The following ATAD2B variants were observed in gnomAD, a reference collection of about 807,000 sequenced individuals.
The protein encoded by ATAD2B is ATPase family AAA domain-containing protein 2B.
Under a neutral mutation model 167.6 loss-of-function variants are expected in ATAD2B, and 40 were observed. The ratio of observed to expected loss-of-function variants is 0.24; its 90% confidence interval spans 0.19 to 0.31. ATAD2B has a LOEUF of 0.31. Among genes scored for constraint, ATAD2B ranks in the 10% least tolerant of loss-of-function variants. The pLI is 1.00. For missense variants in ATAD2B, 1,242 were observed against 1,757.2 expected (o/e 0.71, Z 5.24); for synonymous variants, 579 against 596.5 (o/e 0.97, Z 0.43).
chr2:23,823,915 TACA>T (rs1687849147), intron 15 of ATAD2B, among the ~76,000 whole-genome samples: 2 of 152,056 alleles, frequency 1.3e-5, no homozygotes, highest in Admixed American at 1.3e-4. Context: ...GATTACAATG[TACA>T]ACTTTTTTTT....
chr2:23,823,831 A>C (rs1457186890), intron 15 of ATAD2B, among the ~76,000 whole-genome samples: 1 of 152,202 alleles, frequency 6.6e-6, no homozygotes, highest in Non-Finnish European at 1.5e-5. Flanking sequence ...ATATTAAAAC[A>C]AAACAAGCTA....
At chr2:23,703,196 A>G in the ATAD2B span, 1 of 1,452,188 alleles carries the variant, frequency 6.9e-7, no homozygotes, top group African/African-American at 1.5e-5. Flanking sequence ...GTACGACACC[A>G]TCACCAACCA....
chr2:23,751,937 C>T lies in ATAD2B; in HGVS notation c.*109G>A, dbSNP rs1675395843. ...GAGAGAAAGAATGAGTGAGAGAGCA[C>T]TTTACACCAAGGCTCTGCACATAAT... is the stretch of plus-strand genomic sequence containing the variant. On this transcript the variant is annotated 3_prime_UTR_variant, in exon 28 of 28. Coordinates refer to ENST00000238789, the MANE Select transcript of ATAD2B (RefSeq NM_017552.4). 1 of 914,356 alleles carries T rather than the reference C, an allele frequency of 1.1e-6. No individual in the cohort carries two copies. Among genetic ancestry groups the T allele is most frequent in the Non-Finnish European group, 1.7e-6 (1 of 590,638 alleles). 56.6% of individuals were successfully genotyped at this position (914,356 alleles called of 1,614,324 possible). A position where few individuals can be genotyped will look rare whatever the true frequency, so the allele number is the denominator to read the frequency against.
the ATAD2B span, among the ~76,000 whole-genome samples, chr2:23,698,976 T>C: frequency 6.6e-6 from 1 of 152,220 alleles, no homozygotes; most frequent in African/African-American, 2.4e-5. Flanking sequence ...AACCCTGCCA[T>C]ATTGGCTTAA....
chr2:23,745,413 G>GAAGGAAGGAAGA (rs1157323621), downstream of ATAD2B, among the ~76,000 whole-genome samples: 40 of 100,756 alleles, frequency 4.0e-4, no homozygotes, highest in Non-Finnish European at 7.9e-4. Flanking sequence ...AGGAAGGAAG[G>GAAGGAAGGAAGA]AAGGAAGGAA....
chr2:23,780,267 T>TTGTGTGTGTGTGTGTG (rs67788174), intron 22 of ATAD2B, among the ~76,000 whole-genome samples: 3 of 143,998 alleles, frequency 2.1e-5, no homozygotes, highest in African/African-American at 7.8e-5. Flanking sequence ...AAGTATATAC[T>TTGTGTGTGTGTGTGTG]TGTGTGTGTG....
chr2:23,821,169 G>T (rs1687385565), intron 16 of ATAD2B, among the ~76,000 whole-genome samples: 1 of 152,098 alleles, frequency 6.6e-6, no homozygotes, highest in Non-Finnish European at 1.5e-5. Flanking sequence ...ATGGCAACTA[G>T]TTCTACCAAC....
At chr2:23,854,678 C>CAA (rs796112621) in intron 13 of ATAD2B, among the ~76,000 whole-genome samples, 1,502 of 75,510 alleles carry the variant, frequency 0.02, 17 homozygotes, top group Middle Eastern at 0.076. Flanking sequence ...GACTTCGTCT[C>CAA]AAAAAAAAAA....
At chr2:23,773,650 T>C (rs1266413393) in intron 22 of ATAD2B, among the ~76,000 whole-genome samples, 1 of 152,224 alleles carries the variant, frequency 6.6e-6, no homozygotes, top group African/African-American at 2.4e-5. Flanking sequence ...AGAAACTATA[T>C]ATTTATGAGT....
At chr2:23,688,037 C>T in the ATAD2B span, among the ~76,000 whole-genome samples, 1 of 152,178 alleles carries the variant, frequency 6.6e-6, no homozygotes, top group African/African-American at 2.4e-5. Flanking sequence ...GCCCCACACC[C>T]TTCACCCTCT....
chr2:23,848,144 A>G (rs367801987), intron 13 of ATAD2B, among the ~76,000 whole-genome samples: 1 of 152,206 alleles, frequency 6.6e-6, no homozygotes, highest in South Asian at 2.1e-4. Flanking sequence ...CAGAAATGGT[A>G]AGTATAAAAA....
chr2:23,799,214 T>C (rs1442729624), intron 18 of ATAD2B, among the ~76,000 whole-genome samples: 1 of 152,226 alleles, frequency 6.6e-6, no homozygotes, highest in African/African-American at 2.4e-5. Flanking sequence ...ATTCCTAAAA[T>C]GCTCGACTTA....
In ATAD2B at chr2:23,756,163, A is replaced by T. The variant is rs150096116; in HGVS notation, c.4078+1255T>A. On this transcript the variant is annotated intron_variant, in intron 25 of 27. Transcript: ENST00000238789. ...CCACTTTTCCCATGCTGTTATATTC[A>T]TTACTTAACCCTAGCTTTAACATAT... Among the ~76,000 whole-genome samples, 1,007 of 152,228 alleles carry T rather than the reference A, an allele frequency of 6.6e-3. 8 individuals are homozygous for T. The highest frequency in any genetic ancestry group is 0.019 in the African/African-American group (789 of 41,520).
At chr2:23,721,839 C>T in the ATAD2B span, among the ~76,000 whole-genome samples, 4 of 152,236 alleles carry the variant, frequency 2.6e-5, no homozygotes, top group South Asian at 8.3e-4. Flanking sequence ...ACACAGGGAG[C>T]CCGACCCCAA....
chr2:23,926,867 G>C lies in ATAD2B; in HGVS notation c.-97C>G. ...GTCAGGGCCAGCGGAGCCGAGCCGG[G>C]CAATGAGAGACGAGCCGGCCCGGAG... On this transcript the variant is annotated 5_prime_UTR_variant, in exon 1 of 28. Coordinates refer to ENST00000238789, the MANE Select transcript of ATAD2B (RefSeq NM_017552.4). The C allele has an allele frequency of 7.2e-7, 1 of 1,392,890 alleles. No individual in the cohort carries two copies. Among genetic ancestry groups the C allele is most frequent in the South Asian group, 1.5e-5 (1 of 65,332 alleles). The allele number at this position is 1,392,890 out of a possible 1,614,324, so 86.3% of individuals were successfully genotyped here.
chr2:23,878,011 A>AAAAAAAAC (rs1697221099), intron 7 of ATAD2B, among the ~76,000 whole-genome samples: 1 of 52,152 alleles, frequency 1.9e-5, no homozygotes, highest in African/African-American at 8.1e-5. Flanking sequence ...CCCTATCTCC[A>AAAAAAAAC]AAGAAAAAAA....
chr2:23,692,816 A>G, the ATAD2B span, among the ~76,000 whole-genome samples: 1 of 152,130 alleles, frequency 6.6e-6, no homozygotes, highest in Non-Finnish European at 1.5e-5. Flanking sequence ...GCAGAAGCCT[A>G]TGCAAGAAGC....
intron 6 of ATAD2B, among the ~76,000 whole-genome samples, chr2:23,883,141 A>G (rs925313632): frequency 2.6e-5 from 4 of 152,046 alleles, no homozygotes; most frequent in Admixed American, 2.0e-4. Context: ...TTAGCCGAGC[A>G]TGATGGCATG....
chr2:23,884,290 A>T (rs1003302235), intron 6 of ATAD2B, among the ~76,000 whole-genome samples: 2 of 152,192 alleles, frequency 1.3e-5, no homozygotes, highest in African/African-American at 4.8e-5. Context: ...AGAACCCACA[A>T]ATGCCTCAGA....
Sources: gnomAD v4.1 joint callset for allele counts (sites outside exome capture counted in the v4.1 genomes callset) on GRCh38, gnomAD v4.1.1 for gene constraint, MANE v1.5 for transcripts, NCBI Gene and HGNC (gene_info 2026-07-23, HGNC 2026-07-21) for gene names.